Variants in MBP observed in about 807,000 individuals in gnomAD.
The protein encoded by MBP is Golli-MBP.
Under a neutral mutation model 35.8 loss-of-function variants are expected in MBP, and 16 were observed. The observed-to-expected ratio is 0.45, with a 90% confidence interval of 0.30 to 0.68. The LOEUF is 0.68. Among genes scored for constraint, MBP ranks in the 30% least tolerant of loss-of-function variants. The probability of loss-of-function intolerance (pLI) is 0.08; values close to 1 mark genes in which losing one functional copy is unlikely to be tolerated. For missense variants in MBP, 380 were observed against 404.7 expected (o/e 0.94, Z 0.52); for synonymous variants, 143 against 159.6 (o/e 0.90, Z 0.78).
intron 2 of MBP, among the ~76,000 whole-genome samples, chr18:77,076,921 A>G (rs1434618366): frequency 6.6e-6 from 1 of 152,152 alleles, no homozygotes; most frequent in Non-Finnish European, 1.5e-5. Flanking sequence ...ATCAAGGGCA[A>G]GTGGCTTAGT....
rs145763665 is a variant in MBP, at chr18:77,111,147, C to T, written c.-25-5861G>A. Among the ~76,000 whole-genome samples the T allele has an allele frequency of 4.7e-4, 71 of 152,254 alleles. No homozygotes were observed. In the East Asian group the frequency reaches 8.9e-3, roughly 19 times the overall value. ...TGGGAGGAAAAGCTCCATAAATACACGCTGAAGACACGACTCTGTGGGTCC... is the reference window on the plus strand; with the variant it reads ...TGGGAGGAAAAGCTCCATAAATACATGCTGAAGACACGACTCTGTGGGTCC... On this transcript the variant is annotated intron_variant, in intron 1 of 8. Transcript: ENST00000355994.
Position 77,008,802 on chromosome 18 carries a change from A to G in MBP, c.576+8030T>C, listed in dbSNP as rs143203251. 8.6e-3 allele frequency among the ~76,000 whole-genome samples: 1,308 copies of G among 152,304 alleles called. 21 individuals are homozygous for G. The highest frequency in any genetic ancestry group is 0.031 in the African/African-American group (1,273 of 41,566). On this transcript the variant is annotated intron_variant, in intron 4 of 8. Coordinates refer to ENST00000355994, the MANE Select transcript of MBP (RefSeq NM_001025101.2). ...CCCTGGACAGCCAGGCACTAGCATG[A>G]TGTCTGACATGCAGCCACACCTGGC...
Position 76,988,366 on chromosome 18 carries a change from G to A in MBP, c.750+129C>T, listed in dbSNP as rs929341629. 8 of 1,612,276 alleles carry A rather than the reference G, an allele frequency of 5.0e-6. No homozygotes were observed. Among genetic ancestry groups the A allele is most frequent in the Non-Finnish European group, 6.8e-6 (8 of 1,179,024 alleles). On this transcript the variant is annotated intron_variant, in intron 7 of 8. Coordinates refer to ENST00000355994, the MANE Select transcript of MBP (RefSeq NM_001025101.2). This position sits in a 1 kb window ranked among gnomAD's most constrained non-coding sequence, Gnocchi z 5.2. ...ACAAGGCGGCCCGATCCCAGCTGTG[G>A]GCAGAGAGGTCTCGAGAGGAGAGAA...
intron 2 of MBP, among the ~76,000 whole-genome samples, chr18:77,069,878 C>T (rs1258294859): frequency 6.6e-6 from 1 of 152,186 alleles, no homozygotes; most frequent in Non-Finnish European, 1.5e-5. Context: ...GACTCCAAAT[C>T]CGCCTTTTTC....
chr18:77,098,397 A>G (rs1975858330), intron 2 of MBP, among the ~76,000 whole-genome samples: 1 of 152,146 alleles, frequency 6.6e-6, no homozygotes, highest in Admixed American at 6.5e-5. Flanking sequence ...ATTTTCATGT[A>G]CAAAGTTTAT....
At chr18:77,053,158 C>T (rs1211063653) in intron 3 of MBP, among the ~76,000 whole-genome samples, 1 of 152,244 alleles carries the variant, frequency 6.6e-6, no homozygotes, top group African/African-American at 2.4e-5. Context: ...GGGAGCTCAA[C>T]ACCAGATGGC....
chr18:77,049,768 C>T (rs1481201217), intron 3 of MBP, among the ~76,000 whole-genome samples: 1 of 152,048 alleles, frequency 6.6e-6, no homozygotes, highest in African/African-American at 2.4e-5. Flanking sequence ...CAACCTCTGC[C>T]TCCCGGATTC....
At chr18:76,985,177 T>A in intron 7 of MBP, 1 of 1,479,096 alleles carries the variant, frequency 6.8e-7, no homozygotes, top group Non-Finnish European at 9.0e-7. Flanking sequence ...TTTAAGGATC[T>A]AAGTCGTTTA....
At chr18:76,997,006 G>A (rs540096101) in intron 4 of MBP, among the ~76,000 whole-genome samples, 2 of 152,198 alleles carry the variant, frequency 1.3e-5, no homozygotes, top group African/African-American at 2.4e-5. Context: ...CTCTCCTTCC[G>A]CCTCGGGGCT....
chr18:77,075,220 T>G (rs1019955266), intron 2 of MBP, among the ~76,000 whole-genome samples: 1 of 152,250 alleles, frequency 6.6e-6, no homozygotes, highest in Non-Finnish European at 1.5e-5. Context: ...AGATGCAGTT[T>G]CTGCATCAAA....
At chr18:77,007,077 A>C (rs1267870217) in intron 4 of MBP, among the ~76,000 whole-genome samples, 2 of 151,868 alleles carry the variant, frequency 1.3e-5, no homozygotes, top group Admixed American at 1.3e-4. Context: ...TGAGCCTTCC[A>C]CCCAGCTGCT....
intron 4 of MBP, among the ~76,000 whole-genome samples, chr18:77,009,420 T>TAC (rs1284420527): frequency 7.2e-5 from 11 of 152,128 alleles, no homozygotes; most frequent in African/African-American, 2.4e-4. Flanking sequence ...GTTTAGTGAG[T>TAC]ACTAAATGTC....
At position 76,980,211 on chromosome 18, in the gene MBP, A is replaced by G; in HGVS notation, c.*216T>C. ...GAACGTGATCTTCACACAGAAAGGGACAGTTTTAACCGTTTTCTGTTTTCA... is the reference window on the plus strand; with the variant it reads ...GAACGTGATCTTCACACAGAAAGGGGCAGTTTTAACCGTTTTCTGTTTTCA... On this transcript the variant is annotated 3_prime_UTR_variant, in exon 9 of 9. Transcript: ENST00000355994. The G allele has an allele frequency of 1.5e-6, 1 of 648,190 alleles. No homozygotes were observed. 40.2% of individuals were successfully genotyped at this position (648,190 alleles called of 1,614,324 possible). A position where few individuals can be genotyped will look rare whatever the true frequency, so the allele number is the denominator to read the frequency against.
intron 3 of MBP, among the ~76,000 whole-genome samples, chr18:77,051,160 C>T (rs559861970): frequency 1.3e-5 from 2 of 152,176 alleles, no homozygotes; most frequent in East Asian, 3.9e-4. Flanking sequence ...GGACAGCCTT[C>T]CGGTGTAAAT....
intron 3 of MBP, among the ~76,000 whole-genome samples, chr18:77,026,095 AC>A (rs1160095101): frequency 4.6e-5 from 7 of 152,268 alleles, no homozygotes; most frequent in African/African-American, 1.7e-4. Context: ...GGTTTCGACC[AC>A]CCTGCATGAA....
At chr18:77,117,802 CGGGGGTCAGTGGGTTGGAGTGGGAT>C (rs200202679) in intron 1 of MBP, among the ~76,000 whole-genome samples, 3,821 of 9,118 alleles carry the variant, frequency 0.42, 219 homozygotes, top group Non-Finnish European at 0.45. Context: ...TGGGGTGGGA[CGGGGGTCAGTGGGTTGGAGTGGGAT>C]GGGGGTCAGT....
intron 3 of MBP, among the ~76,000 whole-genome samples, chr18:77,045,076 C>T (rs1973181297): frequency 6.6e-6 from 1 of 152,040 alleles, no homozygotes; most frequent in African/African-American, 2.4e-5. Context: ...AGGCTGGTTT[C>T]TCTAAGTAAT....
chr18:77,125,452 C>T (rs1977017545), intron 1 of MBP, among the ~76,000 whole-genome samples: 6 of 152,178 alleles, frequency 3.9e-5, no homozygotes, highest in Admixed American at 3.9e-4. Context: ...TAAAACCATG[C>T]AGAGACAGCC....
At chr18:77,029,425 GGGGAGAGGGAGA>G (rs1175310876) in intron 3 of MBP, among the ~76,000 whole-genome samples, 4 of 124,642 alleles carry the variant, frequency 3.2e-5, no homozygotes, top group Non-Finnish European at 4.9e-5. Context: ...GGGAGACCGT[GGGGAGAGGGAGA>G]GGGAGGGGGA....
Sources: allele counts gnomAD v4.1 joint callset (sites outside exome capture counted in the v4.1 genomes callset), GRCh38; gene constraint gnomAD v4.1.1; non-coding constraint Gnocchi (gnomAD v3.1); transcripts MANE v1.5; gene names NCBI Gene and HGNC (gene_info 2026-07-23, HGNC 2026-07-21).